Variants in RAB7A observed in about 807,000 individuals in gnomAD.
The protein encoded by RAB7A is ras-related protein Rab-7a.
Under a neutral mutation model 24.5 loss-of-function variants are expected in RAB7A, and 2 were observed. The observed-to-expected ratio is 0.08, with a 90% CI of 0.03 to 0.26. The LOEUF is 0.26. Ranked by LOEUF, RAB7A falls within the 10% of genes least tolerant of loss-of-function variation. The pLI is 1.00. For synonymous variants in RAB7A, 100 were observed against 95.9 expected (o/e 1.04, Z -0.25); for missense variants, 118 against 255.7 (o/e 0.46, Z 3.67).
chr3:128,758,358 C>T (rs1387710789), intron 1 of RAB7A, among the ~76,000 whole-genome samples: 2 of 151,372 alleles, frequency 1.3e-5, no homozygotes, highest in African/African-American at 4.9e-5. Context: ...CTGCAAGCTC[C>T]GCCTTCCAGG....
chr3:128,810,845 G>A (rs1413930708), intron 5 of RAB7A, among the ~76,000 whole-genome samples: 1 of 152,124 alleles, frequency 6.6e-6, no homozygotes, highest in Non-Finnish European at 1.5e-5. Context: ...CCTTAGGTCA[G>A]GAGTTCAAGA....
intron 1 of RAB7A, among the ~76,000 whole-genome samples, chr3:128,784,736 C>A (rs1039591811): frequency 5.3e-5 from 8 of 152,128 alleles, no homozygotes; most frequent in African/African-American, 1.9e-4. Flanking sequence ...CCAGAGGAAT[C>A]CTTCCCTAAT....
At chr3:128,787,212 AAACACCAACC>A (rs1933358394) in intron 1 of RAB7A, among the ~76,000 whole-genome samples, 1 of 152,248 alleles carries the variant, frequency 6.6e-6, no homozygotes, top group South Asian at 2.1e-4. Flanking sequence ...GGCAACTTGG[AAACACCAACC>A]AACTAAAAAT....
At chr3:128,779,334 G>C (rs894760193) in intron 1 of RAB7A, among the ~76,000 whole-genome samples, 1 of 151,842 alleles carries the variant, frequency 6.6e-6, no homozygotes, top group Non-Finnish European at 1.5e-5. Flanking sequence ...CTTGAGCCCA[G>C]GAGACAAAGG....
chr3:128,753,608 G>A lies in RAB7A; in HGVS notation c.-9+27249G>A, dbSNP rs566344163. ...TTTCCCACAGTTCTGAAGGTTGGGGGAAGTCCAAAATCAAGGCTCCAGCAG... is the reference window on the plus strand; with the variant it reads ...TTTCCCACAGTTCTGAAGGTTGGGGAAAGTCCAAAATCAAGGCTCCAGCAG... On this transcript the variant is annotated intron_variant, in intron 1 of 5. Transcript: ENST00000265062. Among the ~76,000 whole-genome samples, 6 of 152,282 alleles carry A rather than the reference G, an allele frequency of 3.9e-5. No homozygotes were observed. In the East Asian group the frequency reaches 1.2e-3, roughly 29 times the overall value.
intron 1 of RAB7A, among the ~76,000 whole-genome samples, chr3:128,742,759 C>T (rs2070567412): frequency 6.6e-6 from 1 of 152,064 alleles, no homozygotes; most frequent in Non-Finnish European, 1.5e-5. Context: ...CAAGTCCCCA[C>T]TAGATTAGCT....
Position 128,813,547 on chromosome 3 carries a change from G to GT in RAB7A, c.*125_*126insT. 1 of 876,908 alleles carries GT rather than the reference G, an allele frequency of 1.1e-6. No individual in the cohort carries two copies. Among genetic ancestry groups the GT allele is most frequent in the Middle Eastern group, 2.2e-4 (1 of 4,624 alleles). The allele number at this position is 876,908 out of a possible 1,614,324, so 54.3% of individuals were successfully genotyped here. ...GATCTCTCACATCCAGCTGCCAAAA[G>GT]AAAACCCCATCAAACACAGTTACAC... On this transcript the variant is annotated 3_prime_UTR_variant, in exon 6 of 6. Transcript: ENST00000265062.
At chr3:128,753,548 T>A (rs886089126) in intron 1 of RAB7A, among the ~76,000 whole-genome samples, 1 of 152,202 alleles carries the variant, frequency 6.6e-6, no homozygotes, top group Non-Finnish European at 1.5e-5. Flanking sequence ...ACAAAATACC[T>A]TAAGACTGGA....
intron 1 of RAB7A, among the ~76,000 whole-genome samples, chr3:128,746,190 C>T (rs1455841835): frequency 1.3e-5 from 2 of 152,220 alleles, no homozygotes; most frequent in Non-Finnish European, 2.9e-5. Flanking sequence ...TCCATTATTT[C>T]TCTCTCCCAC....
chr3:128,772,852 G>A (rs949231674), intron 1 of RAB7A, among the ~76,000 whole-genome samples: 2 of 152,226 alleles, frequency 1.3e-5, no homozygotes, highest in African/African-American at 2.4e-5. Context: ...TCGGCCCCCC[G>A]AGGTGCCAGG....
intron 1 of RAB7A, among the ~76,000 whole-genome samples, chr3:128,746,764 C>T (rs931250281): frequency 1.3e-5 from 2 of 151,324 alleles, no homozygotes; most frequent in African/African-American, 2.5e-5. Context: ...CTCTTAACCT[C>T]GTGATCCACC....
At chr3:128,775,122 G>A (rs1435612679) in intron 1 of RAB7A, among the ~76,000 whole-genome samples, 2 of 152,212 alleles carry the variant, frequency 1.3e-5, no homozygotes, top group Non-Finnish European at 2.9e-5. Context: ...TGTATGAGGA[G>A]TGGGCCACTG....
intron 4 of RAB7A, among the ~76,000 whole-genome samples, chr3:128,807,170 A>G (rs1320483638): frequency 6.6e-6 from 1 of 152,092 alleles, no homozygotes; most frequent in African/African-American, 2.4e-5. Flanking sequence ...GGGACTATAA[A>G]CCTTAAGACC....
intron 1 of RAB7A, among the ~76,000 whole-genome samples, chr3:128,747,416 A>G (rs1271044912): frequency 6.6e-6 from 1 of 151,554 alleles, no homozygotes; most frequent in African/African-American, 2.4e-5. Context: ...GAGAAACTCC[A>G]TCTCTACTAA....
intron 1 of RAB7A, among the ~76,000 whole-genome samples, chr3:128,793,444 G>A (rs1023605304): frequency 1.3e-5 from 2 of 150,614 alleles, no homozygotes; most frequent in Non-Finnish European, 3.0e-5. Context: ...ATGAGCCACC[G>A]TGCCCAGCCT....
At chr3:128,806,684 A>T in intron 4 of RAB7A, 94 bp downstream of exon 4, 1 of 1,268,646 alleles carries the variant, frequency 7.9e-7, no homozygotes, top group Non-Finnish European at 1.1e-6. Flanking sequence ...ACATGGCTCT[A>T]GGAGGTGCTG....
chr3:128,743,673 C>T (rs1215030236), intron 1 of RAB7A, among the ~76,000 whole-genome samples: 1 of 152,154 alleles, frequency 6.6e-6, no homozygotes, highest in Admixed American at 6.5e-5. Flanking sequence ...AAGAAAGAGG[C>T]TGGGTGCAGT....
At chr3:128,786,706 A>G (rs541095864) in intron 1 of RAB7A, among the ~76,000 whole-genome samples, 1 of 152,314 alleles carries the variant, frequency 6.6e-6, no homozygotes, top group African/African-American at 2.4e-5. Flanking sequence ...GTCACATTCT[A>G]GTAGGCAGGG....
At chr3:128,797,209 G>A (rs1209748448) in intron 2 of RAB7A, among the ~76,000 whole-genome samples, 1 of 152,170 alleles carries the variant, frequency 6.6e-6, no homozygotes, top group African/African-American at 2.4e-5. Flanking sequence ...CACTGCCTTC[G>A]GCTGTCTAGG....
Sources: allele counts gnomAD v4.1 joint callset (sites outside exome capture counted in the v4.1 genomes callset), GRCh38; gene constraint gnomAD v4.1.1; transcripts MANE v1.5; gene names NCBI Gene and HGNC (gene_info 2026-07-23, HGNC 2026-07-21).